EVPLL: variants seen among roughly 807,000 people sequenced by gnomAD.
The protein encoded by EVPLL is envoplakin-like protein.
Under a neutral mutation model 46.2 loss-of-function variants are expected in EVPLL, and 39 were observed. That is an observed-to-expected ratio of 0.84 (90% CI 0.65 to 1.10). The LOEUF (loss-of-function observed/expected upper bound fraction) is 1.10, where lower values mean the gene tolerates loss of function less well. Among genes scored for constraint, EVPLL ranks in the 50% least tolerant of loss-of-function variants. The probability of loss-of-function intolerance (pLI) is 0.00; values close to 1 mark genes in which losing one functional copy is unlikely to be tolerated. For missense variants in EVPLL, 385 were observed against 412.6 expected (o/e 0.93, Z 0.58); for synonymous variants, 156 against 165.8 (o/e 0.94, Z 0.46).
Position 18,380,952 on chromosome 17 carries a change from C to T in EVPLL, c.15C>T (p.Ala5=), listed in dbSNP as rs538160538. ...TCATCTCCCACATGCAAGCCAGCGC[C>T]GACCAGGTGGAGCGGGACATCCTGG... MQAS[A]DQVERDILET... The change falls in exon 2 of 11, where the codon GCC becomes GCT. Residue 5 remains alanine, a synonymous_variant. Transcript: ENST00000399134. 27 of 1,595,842 alleles carry T rather than the reference C, an allele frequency of 1.7e-5. No individual in the cohort carries two copies. The South Asian group carries it at 2.6e-4, about 16-fold the overall frequency.
intron 1 of EVPLL, among the ~76,000 whole-genome samples, chr17:18,378,767 C>T (rs1987465459): frequency 6.7e-6 from 1 of 148,856 alleles, no homozygotes; most frequent in African/African-American, 2.5e-5. Flanking sequence ...GGGTGACAGA[C>T]TGTGACTCTG....
chr17:18,379,677 G>T (rs529230765), intron 1 of EVPLL, among the ~76,000 whole-genome samples: 8 of 152,334 alleles, frequency 5.3e-5, no homozygotes, highest in Non-Finnish European at 1.2e-4. Context: ...AGCACTTACT[G>T]CATGCCAGGA....
chr17:18,388,028 A>G (rs1212873904), intron 9 of EVPLL, 191 bp from the exon 10 acceptor site: 10 of 149,872 alleles, frequency 6.7e-5, no homozygotes, highest in Non-Finnish European at 1.4e-4. Flanking sequence ...CTCTCTCTCC[A>G]TATATATATA....
intron 1 of EVPLL, 64 bp from the exon 2 acceptor site, chr17:18,380,838 A>G (rs1464734426): frequency 2.9e-6 from 4 of 1,397,720 alleles, no homozygotes; most frequent in Non-Finnish European, 3.0e-6. Context: ...AGGGGACGCC[A>G]CCTGGATGGG....
At chr17:18,384,425 G>A (rs2151630602) in intron 9 of EVPLL, among the ~76,000 whole-genome samples, 2 of 148,722 alleles carry the variant, frequency 1.3e-5, no homozygotes, top group African/African-American at 5.0e-5. Flanking sequence ...GACAGACTGT[G>A]ACTCTGTCTT....
chr17:18,382,933 G>A lies in EVPLL; in HGVS notation c.511+69G>A. 3 of 1,593,774 alleles carry A rather than the reference G, an allele frequency of 1.9e-6. No homozygotes were observed. In the South Asian group the frequency reaches 3.4e-5, roughly 18 times the overall value. ...TGGGTGGCCGCCCGGACCCTGCCCGGGGCCAGTGTTCCTGAGCGCCGCCCA... is the reference window on the plus strand; with the variant it reads ...TGGGTGGCCGCCCGGACCCTGCCCGAGGCCAGTGTTCCTGAGCGCCGCCCA... On this transcript the variant is annotated intron_variant, in intron 6 of 10. Transcript: ENST00000399134.
rs367637967 is a variant in EVPLL at position 18,378,510 on chromosome 17, T to C, written c.-37+527T>C. On this transcript the variant is annotated intron_variant, in intron 1 of 10. Transcript: ENST00000399134. ...AGCTCTCACCCAGGGCCTTGTTGTA[T>C]TGAAGAGTTAGGGGTTCATGGCTGG... Among the ~76,000 whole-genome samples the C allele has an allele frequency of 5.9e-5, 9 of 152,224 alleles. No individual in the cohort carries two copies. In the East Asian group the frequency reaches 1.5e-3, roughly 26 times the overall value.
rs1187296000 is a variant in EVPLL at position 18,382,506 on chromosome 17, C to T, written c.347-7C>T. ...CTGTGGTGACTGAGCCGCCGGCTCT[C>T]CTGCAGAAGCTGGTCTGCGCAGGCC... On this transcript the variant is annotated splice_polypyrimidine_tract_variant and splice_region_variant and intron_variant, in intron 4 of 10. Transcript: ENST00000399134. 6.4e-7 allele frequency: 1 copy of T among 1,551,574 alleles called. No individual in the cohort carries two copies. The highest frequency in any genetic ancestry group is 8.7e-7 in the Non-Finnish European group (1 of 1,146,924).
Position 18,382,550 on chromosome 17 carries a change from C to A in EVPLL, c.384C>A (p.Gly128=), listed in dbSNP as rs1187411088. The A allele has an allele frequency of 1.9e-6, 3 of 1,551,602 alleles. No homozygotes were observed. Among genetic ancestry groups the A allele is most frequent in the Non-Finnish European group, 2.6e-6 (3 of 1,147,012 alleles). ...GCAGGCCAGTATGGGCCGGGCATGGCGGAGCTGGAGGAACAGATCGCGGAG... is the reference window on the plus strand; with the variant it reads ...GCAGGCCAGTATGGGCCGGGCATGGAGGAGCTGGAGGAACAGATCGCGGAG... ...GLRRPVWAGH[G]GAGGTDRGAQ... The change falls in exon 5 of 11, where the codon GGC becomes GGA. Residue 128 remains glycine, a synonymous_variant. Coordinates refer to ENST00000399134, the MANE Select transcript of EVPLL (RefSeq NM_001145127.2).
At position 18,382,615 on chromosome 17, in the gene EVPLL, C is replaced by A. The variant is rs369250177; in HGVS notation, c.449C>A (p.Ala150Glu). 4 of 1,552,022 alleles carry A rather than the reference C, an allele frequency of 2.6e-6. No individual in the cohort carries two copies. The highest frequency in any genetic ancestry group is 3.5e-6 in the Non-Finnish European group (4 of 1,147,108). The change falls in exon 5 of 11, where the codon GCA (alanine) becomes GAA (glutamate). Residue 150 changes from alanine to glutamate, a missense_variant. Transcript: ENST00000399134. ...GAAGGAGATCAACGACCAAGGAGAG[C>A]AGCTGCGGAGCCTGGTGGGGCCGGT... ...RAEGDQRPRR[A>E]AAEPGGAGCR...
chr17:18,384,055 A>C (rs990240336), intron 9 of EVPLL, among the ~76,000 whole-genome samples: 10 of 152,328 alleles, frequency 6.6e-5, no homozygotes, highest in African/African-American at 2.4e-4. Flanking sequence ...CAACAGGGTG[A>C]AGCCGTTCCC....
chr17:18,386,122 G>A (rs1003983291), intron 9 of EVPLL, among the ~76,000 whole-genome samples: 5 of 152,086 alleles, frequency 3.3e-5, no homozygotes, highest in African/African-American at 9.7e-5. Flanking sequence ...TCAAGGTGTC[G>A]GCAGGGAAAG....
At position 18,380,772 on chromosome 17, in the gene EVPLL, C is replaced by T. The variant is rs1987537300; in HGVS notation, c.-36-130C>T. The T allele has an allele frequency of 7.8e-6, 6 of 767,420 alleles. No individual in the cohort carries two copies. The South Asian group carries it at 1.0e-4, about 13-fold the overall frequency. The allele number at this position is 767,420 out of a possible 1,614,324, so 47.5% of individuals were successfully genotyped here. Reference sequence around the variant, plus strand: ...CACAGAGCCTCCTGCAGAGAGAGACCCCAAAGTCAGGGCAGTGTGCTAGGC... The same window carrying T: ...CACAGAGCCTCCTGCAGAGAGAGACTCCAAAGTCAGGGCAGTGTGCTAGGC... On this transcript the variant is annotated intron_variant, in intron 1 of 10. Transcript: ENST00000399134.
At position 18,382,878 on chromosome 17, in the gene EVPLL, A is replaced by AG; in HGVS notation, c.511+17dup. 1 of 1,611,320 alleles carries AG rather than the reference A, an allele frequency of 6.2e-7. No homozygotes were observed. The highest frequency in any genetic ancestry group is 1.1e-5 in the South Asian group (1 of 90,690). On this transcript the variant is annotated intron_variant, in intron 6 of 10. Coordinates refer to ENST00000399134, the MANE Select transcript of EVPLL (RefSeq NM_001145127.2). ...CGAGACCTACTGGTGAGCAGGAGGG[A>AG]GGGTCGGGCAGGGTGGCTGCAGGTG...
Position 18,381,892 on chromosome 17 carries a change from T to A in EVPLL, c.346+162T>A. On this transcript the variant is annotated intron_variant, in intron 4 of 10. Coordinates refer to ENST00000399134, the MANE Select transcript of EVPLL (RefSeq NM_001145127.2). This position sits in a 1 kb window ranked among gnomAD's most constrained non-coding sequence, Gnocchi z 4.2. ...GACAGTGCAGTCAGGGAAGACTTCC[T>A]GTAGGAGGAGGCACATGAAGAGACC... The A allele has an allele frequency of 8.5e-7, 1 of 1,174,744 alleles. No homozygotes were observed. The highest frequency in any genetic ancestry group is 1.2e-6 in the Non-Finnish European group (1 of 836,562). The allele number at this position is 1,174,744 out of a possible 1,614,324, so 72.8% of individuals were successfully genotyped here.
At chr17:18,382,931 C>G in intron 6 of EVPLL, 67 bp downstream of exon 6, 1 of 1,594,542 alleles carries the variant, frequency 6.3e-7, no homozygotes, top group Non-Finnish European at 8.5e-7. Context: ...GGACCCTGCC[C>G]GGGGCCAGTG....
intron 1 of EVPLL, among the ~76,000 whole-genome samples, chr17:18,379,454 C>A (rs1189899376): frequency 1.3e-5 from 2 of 152,220 alleles, no homozygotes; most frequent in Admixed American, 6.5e-5. Context: ...CACCTGAGCC[C>A]CACCCAGGGT....
At position 18,383,052 on chromosome 17, in the gene EVPLL, C is replaced by T; in HGVS notation, c.539C>T (p.Pro180Leu). The T allele has an allele frequency of 2.6e-6, 4 of 1,559,818 alleles. No individual in the cohort carries two copies. The highest frequency in any genetic ancestry group is 3.5e-6 in the Non-Finnish European group (4 of 1,159,352). The change falls in exon 7 of 11, where the codon CCT becomes CTT. Residue 180 changes from proline to leucine, a missense_variant. Transcript: ENST00000399134. ...TEGGVVARAE[P>L]GQPVHALQGC... ...GGCGGCGTCGTGGCGCGGGCAGAGCCTGGGCAGCCTGTACACGCACTGCAG... is the reference window on the plus strand; with the variant it reads ...GGCGGCGTCGTGGCGCGGGCAGAGCTTGGGCAGCCTGTACACGCACTGCAG...
intron 9 of EVPLL, chr17:18,387,823 A>G (rs1987817955): frequency 6.6e-6 from 1 of 152,568 alleles, no homozygotes; most frequent in Non-Finnish European, 1.5e-5. Context: ...CAGCCTGGAT[A>G]ACACGGCGAG....
Sources: gnomAD v4.1 joint callset for allele counts (sites outside exome capture counted in the v4.1 genomes callset) on GRCh38, gnomAD v4.1.1 for gene constraint, Gnocchi (gnomAD v3.1) non-coding constraint, MANE v1.5 for transcripts, NCBI Gene and HGNC (gene_info 2026-07-23, HGNC 2026-07-21) for gene names.